PTPRK: variants seen among roughly 807,000 people sequenced by gnomAD.
PTPRK encodes receptor-type tyrosine-protein phosphatase kappa.
In PTPRK, 75 loss-of-function variants were observed where a neutral mutation model predicts 178.0. That is an observed-to-expected ratio of 0.42 (90% CI 0.35 to 0.51). PTPRK has a LOEUF of 0.51. PTPRK is among the 20% of genes least tolerant of loss of function. The pLI is 0.02. For missense variants in PTPRK, 1,441 were observed against 1,797.8 expected (o/e 0.80, Z 3.59); for synonymous variants, 637 against 620.6 (o/e 1.03, Z -0.39).
At chr6:128,204,439 A>ACTT (rs960930477) in intron 6 of PTPRK, among the ~76,000 whole-genome samples, 7 of 152,052 alleles carry the variant, frequency 4.6e-5, no homozygotes, top group Non-Finnish European at 8.8e-5. Flanking sequence ...TAACGAAAGA[A>ACTT]CTTCTGCACA....
chr6:128,186,057 C>T (rs1210662217), intron 6 of PTPRK, among the ~76,000 whole-genome samples: 1 of 152,064 alleles, frequency 6.6e-6, no homozygotes, highest in African/African-American at 2.4e-5. Flanking sequence ...TACAGCTACA[C>T]AGGCTAAAGT....
chr6:128,066,785 A>T (rs537453853), intron 12 of PTPRK, among the ~76,000 whole-genome samples: 4 of 152,212 alleles, frequency 2.6e-5, no homozygotes, highest in Non-Finnish European at 5.9e-5. Context: ...AGCATGAGGC[A>T]TGAAAGGCCA....
intron 7 of PTPRK, among the ~76,000 whole-genome samples, chr6:128,125,955 T>A (rs1236133160): frequency 1.3e-5 from 2 of 152,100 alleles, no homozygotes; most frequent in Admixed American, 1.3e-4. Flanking sequence ...TCATACAATA[T>A]TTAGCGTTTT....
At chr6:128,393,711 G>T (rs1255552713) in intron 2 of PTPRK, among the ~76,000 whole-genome samples, 6 of 152,136 alleles carry the variant, frequency 3.9e-5, no homozygotes, top group Non-Finnish European at 8.8e-5. Flanking sequence ...ATCCAGTATG[G>T]TAAGAAAACT....
chr6:128,311,463 G>T (rs1337929000), intron 3 of PTPRK, among the ~76,000 whole-genome samples: 2 of 152,044 alleles, frequency 1.3e-5, no homozygotes, highest in African/African-American at 4.8e-5. Flanking sequence ...TCTCAATAAG[G>T]TACAACTTTT....
chr6:128,486,933 C>A (rs999055465), intron 1 of PTPRK, among the ~76,000 whole-genome samples: 3 of 151,218 alleles, frequency 2.0e-5, no homozygotes, highest in Non-Finnish European at 4.4e-5. Context: ...TTGGTTGTGA[C>A]AGAAATTCAA....
chr6:128,203,782 A>G (rs568610803), intron 6 of PTPRK, among the ~76,000 whole-genome samples: 8 of 152,336 alleles, frequency 5.3e-5, no homozygotes, highest in African/African-American at 1.9e-4. Context: ...AGAGGACACA[A>G]ACAAATGGGA....
chr6:128,481,562 T>C (rs1852084263), intron 1 of PTPRK, among the ~76,000 whole-genome samples: 1 of 152,160 alleles, frequency 6.6e-6, no homozygotes, highest in African/African-American at 2.4e-5. Context: ...TAACATTGTA[T>C]TGCAGGGATT....
chr6:128,248,305 G>A (rs1452953574), intron 3 of PTPRK, among the ~76,000 whole-genome samples: 2 of 152,050 alleles, frequency 1.3e-5, no homozygotes, highest in Admixed American at 6.6e-5. Flanking sequence ...ACATATATGT[G>A]CATATATATA....
At chr6:128,456,578 A>G (rs1010875355) in intron 1 of PTPRK, among the ~76,000 whole-genome samples, 2 of 152,140 alleles carry the variant, frequency 1.3e-5, no homozygotes. Context: ...CAAGTATGGA[A>G]GATAAGATAA....
intron 3 of PTPRK, among the ~76,000 whole-genome samples, chr6:128,254,907 T>G (rs1817033967): frequency 6.6e-6 from 1 of 152,184 alleles, no homozygotes; most frequent in African/African-American, 2.4e-5. Context: ...TATAAAGGCT[T>G]GAAACTCTAC....
At chr6:128,131,553 T>C (rs1794243028) in intron 7 of PTPRK, among the ~76,000 whole-genome samples, 1 of 152,180 alleles carries the variant, frequency 6.6e-6, no homozygotes, top group Non-Finnish European at 1.5e-5. Context: ...TCTCAGCATA[T>C]AATAAAAATT....
intron 2 of PTPRK, among the ~76,000 whole-genome samples, chr6:128,343,272 G>A (rs539694032): frequency 2.0e-5 from 3 of 152,096 alleles, no homozygotes; most frequent in East Asian, 3.9e-4. Context: ...GGCTGAGGCA[G>A]GTGGATCACC....
At chr6:128,234,626 G>A (rs1353033095) in intron 5 of PTPRK, among the ~76,000 whole-genome samples, 1 of 152,186 alleles carries the variant, frequency 6.6e-6, no homozygotes, top group African/African-American at 2.4e-5. Flanking sequence ...ATGTTGCTGA[G>A]ATCCATTCAC....
At chr6:127,992,826 G>T in intron 18 of PTPRK, 117 bp from the exon 19 acceptor site, 1 of 768,606 alleles carries the variant, frequency 1.3e-6, no homozygotes, top group Non-Finnish European at 2.1e-6. Context: ...AAAAAGTCCA[G>T]AAATGAGTAG....
chr6:128,383,221 C>T lies in PTPRK; in HGVS notation c.223+14345G>A, dbSNP rs543330654. ...CAACATGTTCTTGTCACAATAGCAT[C>T]CTTAATAGCAAAGTTTAACTATAAG... On this transcript the variant is annotated intron_variant, in intron 2 of 29. Coordinates refer to ENST00000368226, the MANE Select transcript of PTPRK (RefSeq NM_002844.4). 2.0e-5 allele frequency among the ~76,000 whole-genome samples: 3 copies of T among 152,210 alleles called. No homozygotes were observed. In the East Asian group the frequency reaches 5.8e-4, roughly 29 times the overall value.
At chr6:128,079,098 A>C (rs1784357531) in intron 10 of PTPRK, among the ~76,000 whole-genome samples, 180 bp from the exon 11 acceptor site, 2 of 152,066 alleles carry the variant, frequency 1.3e-5, no homozygotes, top group African/African-American at 4.8e-5. Flanking sequence ...TAAAATATCA[A>C]AAGCTAGAAA....
chr6:128,296,439 G>T (rs1452197833), intron 3 of PTPRK, among the ~76,000 whole-genome samples: 1 of 152,086 alleles, frequency 6.6e-6, no homozygotes, highest in Non-Finnish European at 1.5e-5. Flanking sequence ...CACCAAAGTT[G>T]AAATGAAGGA....
At chr6:128,176,936 C>T (rs1158962702) in intron 7 of PTPRK, among the ~76,000 whole-genome samples, 2 of 151,316 alleles carry the variant, frequency 1.3e-5, no homozygotes, top group Admixed American at 6.6e-5. Context: ...TTATCCATAC[C>T]CATCTGTCAG....
Sources: allele counts gnomAD v4.1 joint callset (sites outside exome capture counted in the v4.1 genomes callset), GRCh38; gene constraint gnomAD v4.1.1; transcripts MANE v1.5; gene names NCBI Gene and HGNC (gene_info 2026-07-23, HGNC 2026-07-21).